GLI2: variants seen among roughly 807,000 people sequenced by gnomAD.
GLI2 encodes the protein GLI family zinc finger 2, also known as transcription activator GLI2.
In GLI2, 22 loss-of-function variants were observed where a neutral mutation model predicts 78.9. The observed-to-expected ratio is 0.28, with a 90% CI of 0.20 to 0.40. GLI2 has a LOEUF of 0.40. Ranked by LOEUF, GLI2 falls within the 10% of genes least tolerant of loss-of-function variation. The pLI is 1.00. For synonymous variants in GLI2, 974 were observed against 963.7 expected (o/e 1.01, Z -0.20); for missense variants, 2,097 against 2,213.2 (o/e 0.95, Z 1.05).
intron 2 of GLI2, among the ~76,000 whole-genome samples, chr2:120,845,679 G>T (rs538533199): frequency 6.6e-6 from 1 of 152,168 alleles, no homozygotes; most frequent in Non-Finnish European, 1.5e-5. Context: ...TAATGAACTC[G>T]GGACACTGCC....
chr2:120,754,477 G>T (rs1682979563), intron 1 of GLI2, among the ~76,000 whole-genome samples: 1 of 151,084 alleles, frequency 6.6e-6, no homozygotes, highest in Non-Finnish European at 1.5e-5. Context: ...CCACTGATCT[G>T]CTTCCTGTCA....
chr2:120,832,288 A>C (rs1478335084), intron 2 of GLI2, among the ~76,000 whole-genome samples: 1 of 152,222 alleles, frequency 6.6e-6, no homozygotes, highest in Non-Finnish European at 1.5e-5. Context: ...TGAAGTACCC[A>C]GAACCCCATC....
In GLI2 at chr2:120,988,293, G is replaced by C; in HGVS notation, c.2328G>C (p.Ala776=). 1 of 1,564,652 alleles carries C rather than the reference G, an allele frequency of 6.4e-7. No individual in the cohort carries two copies. The highest frequency in any genetic ancestry group is 8.6e-7 in the Non-Finnish European group (1 of 1,160,658). ...ACCCGCGGCTGTCGGAGCTGTCCGC[G>C]AGCGAGGTGACCATGCTGAGCCAGC... is the stretch of plus-strand genomic sequence containing the variant. ...LPNPRLSELS[A]SEVTMLSQLQ... is the part of the protein sequence containing the mutation. The change falls in exon 14 of 14, where the codon GCG becomes GCC. Residue 776 remains alanine (A), a synonymous_variant. Coordinates refer to ENST00000361492, the MANE Select transcript of GLI2 (RefSeq NM_001374353.1).
intron 2 of GLI2, among the ~76,000 whole-genome samples, chr2:120,870,013 A>C (rs1688347675): frequency 6.6e-6 from 1 of 152,168 alleles, no homozygotes; most frequent in Admixed American, 6.5e-5. Flanking sequence ...AACATGTATA[A>C]ATATGTTGGG....
chr2:120,894,614 G>T (rs79721509), intron 2 of GLI2, among the ~76,000 whole-genome samples: 4,581 of 151,848 alleles, frequency 0.03, 252 homozygotes, highest in African/African-American at 0.1. Context: ...ACCCTTGGGG[G>T]GGGGTACCAG....
intron 1 of GLI2, among the ~76,000 whole-genome samples, chr2:120,751,046 C>T (rs1165606740): frequency 5.3e-5 from 8 of 152,162 alleles, no homozygotes; most frequent in East Asian, 1.9e-4. Context: ...AGACTGTTGC[C>T]GGTTGGAAAA....
chr2:120,891,800 G>GA (rs763232426), intron 2 of GLI2, among the ~76,000 whole-genome samples: 2 of 152,190 alleles, frequency 1.3e-5, no homozygotes, highest in Non-Finnish European at 2.9e-5. Context: ...TGACCCCACT[G>GA]AAAAAGCAGC....
intron 5 of GLI2, among the ~76,000 whole-genome samples, chr2:120,964,131 G>A (rs922785783): frequency 1.3e-5 from 2 of 152,200 alleles, no homozygotes; most frequent in Non-Finnish European, 2.9e-5. Flanking sequence ...CCCCACCCTT[G>A]TTTGGAGAGA....
Position 120,978,453 on chromosome 2 carries a change from T to C in GLI2, c.1337T>C (p.Ile446Thr). 16 of 1,614,112 alleles carry C rather than the reference T, an allele frequency of 9.9e-6. No individual in the cohort carries two copies. The highest frequency in any genetic ancestry group is 1.4e-5 in the Non-Finnish European group (16 of 1,180,014). The change falls in exon 10 of 14, where the codon ATC becomes ACC. Residue 446 changes from isoleucine to threonine, a missense_variant. This residue lies in a region of GLI2 where 578 missense variants were observed against 612.0 expected (regional missense o/e 0.94). Coordinates refer to ENST00000361492, the MANE Select transcript of GLI2 (RefSeq NM_001374353.1). ...QLVHHINNEH[I>T]HGEKKEFVCR... Reference sequence around the variant, plus strand: ...CGGCAGCACATCAACAACGAGCACATCCACGGGGAGAAGAAGGAGTTTGTG... The same window carrying C: ...CGGCAGCACATCAACAACGAGCACACCCACGGGGAGAAGAAGGAGTTTGTG...
At chr2:120,855,932 G>A (rs1474551712) in intron 2 of GLI2, among the ~76,000 whole-genome samples, 1 of 152,166 alleles carries the variant, frequency 6.6e-6, no homozygotes, top group Non-Finnish European at 1.5e-5. Flanking sequence ...AGGAAAATCA[G>A]TTACCCTATT....
chr2:120,855,685 C>T (rs1172356190), intron 2 of GLI2, among the ~76,000 whole-genome samples: 1 of 152,216 alleles, frequency 6.6e-6, no homozygotes, highest in Non-Finnish European at 1.5e-5. Flanking sequence ...CTTGGTTTTC[C>T]ATGCACTGGA....
At chr2:120,867,941 C>T (rs1688229673) in intron 2 of GLI2, among the ~76,000 whole-genome samples, 1 of 152,208 alleles carries the variant, frequency 6.6e-6, no homozygotes. Context: ...GAGGCGGCTC[C>T]TGCGTGGACC....
chr2:120,986,144 G>A (rs940851525), intron 12 of GLI2, 134 bp from the exon 13 acceptor site: 39 of 765,562 alleles, frequency 5.1e-5, no homozygotes, highest in East Asian at 2.6e-4. Context: ...GTGCTCCTCC[G>A]CAAGGCAGCT....
chr2:120,761,562 G>T (rs977560077), intron 1 of GLI2, among the ~76,000 whole-genome samples: 1 of 152,156 alleles, frequency 6.6e-6, no homozygotes, highest in Non-Finnish European at 1.5e-5. Flanking sequence ...GGTGGAGGGC[G>T]TAGTGGGATA....
chr2:120,980,514 T>C (rs1401517180), intron 10 of GLI2, among the ~76,000 whole-genome samples: 1 of 152,262 alleles, frequency 6.6e-6, no homozygotes, highest in Non-Finnish European at 1.5e-5. Flanking sequence ...TAAGAATTTT[T>C]CATATATCTG....
intron 2 of GLI2, among the ~76,000 whole-genome samples, 159 bp downstream of exon 2, chr2:120,797,627 G>A (rs1165463269): frequency 2.6e-5 from 4 of 151,402 alleles, no homozygotes; most frequent in Non-Finnish European, 5.9e-5. Context: ...CAGGCACCAT[G>A]AAGGTCACCT....
At chr2:120,923,673 T>C (rs1388468123) in intron 2 of GLI2, among the ~76,000 whole-genome samples, 2 of 151,910 alleles carry the variant, frequency 1.3e-5, no homozygotes, top group Non-Finnish European at 2.9e-5. Context: ...CACATGCGCA[T>C]ATAGCGATAC....
At chr2:120,936,134 C>T (rs967549765) in intron 3 of GLI2, among the ~76,000 whole-genome samples, 5 of 152,122 alleles carry the variant, frequency 3.3e-5, no homozygotes, top group African/African-American at 9.7e-5. Context: ...GGGTTGAGGC[C>T]GGGGCTCACA....
chr2:120,747,590 G>C (rs915356331), intron 1 of GLI2, among the ~76,000 whole-genome samples: 1 of 152,192 alleles, frequency 6.6e-6, no homozygotes, highest in African/African-American at 2.4e-5. Context: ...CACAACAAGG[G>C]GAATGCTATT....
Sources: allele counts gnomAD v4.1 joint callset (sites outside exome capture counted in the v4.1 genomes callset), GRCh38; gene constraint gnomAD v4.1.1; regional missense constraint gnomAD v4.1.1; transcripts MANE v1.5; gene names NCBI Gene and HGNC (gene_info 2026-07-23, HGNC 2026-07-21).